Variants in CUBN observed in about 807,000 individuals in gnomAD.
The protein encoded by CUBN is cubilin.
A neutral mutation model predicts 405.3 loss-of-function variants in CUBN; 282 were observed. That is an observed-to-expected ratio of 0.70 (90% CI 0.63 to 0.77). The LOEUF (loss-of-function observed/expected upper bound fraction) is 0.77. CUBN is among the 30% of genes least tolerant of loss of function. The pLI, the probability that CUBN is intolerant of heterozygous loss-of-function variation, is 0.00. For missense variants in CUBN, 4,514 were observed against 4,475.2 expected (o/e 1.01, Z -0.25); for synonymous variants, 1,684 against 1,617.0 (o/e 1.04, Z -0.99).
chr10:17,060,865 A>G (rs1419401619), intron 22 of CUBN, among the ~76,000 whole-genome samples: 1 of 152,076 alleles, frequency 6.6e-6, no homozygotes, highest in African/African-American at 2.4e-5. Flanking sequence ...AGCCTGACCA[A>G]CACGGTGAAA....
chr10:17,023,574 A>G (rs1374258695), intron 27 of CUBN: 2 of 455,856 alleles, frequency 4.4e-6, no homozygotes, highest in Non-Finnish European at 8.8e-6. Flanking sequence ...AAGCCGTCTC[A>G]CTGATTCTGA....
chr10:17,108,715 G>GT (rs1462712708), intron 10 of CUBN, among the ~76,000 whole-genome samples: 1 of 152,084 alleles, frequency 6.6e-6, no homozygotes, highest in African/African-American at 2.4e-5. Flanking sequence ...GGGAGAAATA[G>GT]TAAGAGAAAA....
intron 43 of CUBN, among the ~76,000 whole-genome samples, chr10:16,922,398 C>T (rs1035977912): frequency 1.3e-5 from 2 of 152,080 alleles, no homozygotes; most frequent in African/African-American, 4.8e-5. Flanking sequence ...TAAATTTTTT[C>T]CCTAAATTAC....
At chr10:17,101,552 G>A (rs1396517408) in intron 13 of CUBN, among the ~76,000 whole-genome samples, 2 of 152,060 alleles carry the variant, frequency 1.3e-5, no homozygotes, top group East Asian at 1.9e-4. Context: ...ATAGTTTGCT[G>A]GAAAAAGTTA....
intron 58 of CUBN, among the ~76,000 whole-genome samples, chr10:16,870,907 G>C (rs564521161): frequency 1.1e-3 from 173 of 152,258 alleles, no homozygotes; most frequent in African/African-American, 4.0e-3. Flanking sequence ...TCCTGAACAA[G>C]CAAGGCTTCT....
At chr10:16,834,808 G>A (rs1338598677) in intron 64 of CUBN, among the ~76,000 whole-genome samples, 1 of 152,130 alleles carries the variant, frequency 6.6e-6, no homozygotes, top group Non-Finnish European at 1.5e-5. Flanking sequence ...GCCAGACTAG[G>A]AGTCTCCTGC....
chr10:17,102,757 C>T (rs1436313743), intron 13 of CUBN, among the ~76,000 whole-genome samples: 2 of 151,564 alleles, frequency 1.3e-5, no homozygotes, highest in Non-Finnish European at 2.9e-5. Flanking sequence ...CAGGAATGTG[C>T]CACTACACCT....
chr10:16,876,442 T>A (rs1840503453), intron 57 of CUBN, among the ~76,000 whole-genome samples: 1 of 152,196 alleles, frequency 6.6e-6, no homozygotes, highest in Admixed American at 6.5e-5. Context: ...GGCTTTTGTT[T>A]TGGGCATAGT....
rs1842413052 is a variant in CUBN, at chr10:16,933,256, T to TC, written c.5954dup (p.Asp1986ArgfsTer13). 6.2e-7 allele frequency: 1 copy of TC among 1,613,596 alleles called. No homozygotes were observed. Among genetic ancestry groups the TC allele is most frequent in the African/African-American group, 1.3e-5 (1 of 74,840 alleles). On this transcript the variant is annotated frameshift_variant, in exon 40 of 67. Transcript: ENST00000377833. LOFTEE classifies it high-confidence loss of function. ...GGGAGAAGAGAAACACGGGTGCATCTCCCGTCCTCAGGAAGCCACCACAAG... is the reference window on the plus strand; with the variant it reads ...GGGAGAAGAGAAACACGGGTGCATCTCCCCGTCCTCAGGAAGCCACCACAAG...
At chr10:16,858,490 T>G (rs1485544009) in intron 59 of CUBN, among the ~76,000 whole-genome samples, 1 of 152,080 alleles carries the variant, frequency 6.6e-6, no homozygotes, top group African/African-American at 2.4e-5. Flanking sequence ...CTGGCTAATT[T>G]TGTTATTTTT....
chr10:16,926,809 T>TTCTATCTATCTATCTA (rs72523233), intron 41 of CUBN, among the ~76,000 whole-genome samples: 110 of 41,698 alleles, frequency 2.6e-3, no homozygotes, highest in African/African-American at 4.8e-3. Flanking sequence ...AAATTTTTTT[T>TTCTATCTATCTATCTA]TCTATCTATC....
intron 64 of CUBN, among the ~76,000 whole-genome samples, chr10:16,832,223 C>T (rs1372292440): frequency 2.0e-5 from 3 of 152,154 alleles, no homozygotes; most frequent in African/African-American, 7.2e-5. Context: ...GGAAACGTTA[C>T]GCGGGCAATG....
At chr10:17,003,523 T>G in intron 28 of CUBN, among the ~76,000 whole-genome samples, 1 of 152,210 alleles carries the variant, frequency 6.6e-6, no homozygotes, top group East Asian at 1.9e-4. Context: ...ACATTTTTTG[T>G]TCAATAAAAT....
chr10:16,968,937 T>C (rs1358698066), intron 31 of CUBN, among the ~76,000 whole-genome samples: 3 of 152,172 alleles, frequency 2.0e-5, no homozygotes, highest in African/African-American at 4.8e-5. Flanking sequence ...AAAGTGCAAA[T>C]ATATTACCAA....
At chr10:17,088,985 C>A (rs1836191932) in intron 14 of CUBN, among the ~76,000 whole-genome samples, 1 of 152,176 alleles carries the variant, frequency 6.6e-6, no homozygotes, top group Non-Finnish European at 1.5e-5. Context: ...ACTGGAAGAA[C>A]CTGCTCTTCA....
intron 57 of CUBN, among the ~76,000 whole-genome samples, chr10:16,875,387 T>C (rs1840468321): frequency 6.6e-6 from 1 of 152,206 alleles, no homozygotes; most frequent in African/African-American, 2.4e-5. Flanking sequence ...AAAATTATAA[T>C]GGGGTTAACG....
chr10:16,917,195 G>A (rs1588647874), intron 45 of CUBN, among the ~76,000 whole-genome samples: 1 of 152,094 alleles, frequency 6.6e-6, no homozygotes, highest in Non-Finnish European at 1.5e-5. Context: ...ATTTGATGAG[G>A]AATTCAAAGA....
At chr10:16,834,070 T>G (rs1839093736) in intron 64 of CUBN, among the ~76,000 whole-genome samples, 1 of 152,176 alleles carries the variant, frequency 6.6e-6, no homozygotes, top group South Asian at 2.1e-4. Context: ...AGGTTCCACC[T>G]AAGTATATTT....
At chr10:16,854,457 C>T (rs1276616) in intron 59 of CUBN, among the ~76,000 whole-genome samples, 1 of 152,056 alleles carries the variant, frequency 6.6e-6, no homozygotes, top group Non-Finnish European at 1.5e-5. Flanking sequence ...ACTTGCTAAT[C>T]AAGTCTGATC....
Sources: gnomAD v4.1 joint callset for allele counts (sites outside exome capture counted in the v4.1 genomes callset) on GRCh38, gnomAD v4.1.1 for gene constraint, MANE v1.5 for transcripts, NCBI Gene and HGNC (gene_info 2026-07-23, HGNC 2026-07-21) for gene names.